PACRG: variants seen among roughly 807,000 people sequenced by gnomAD.
The protein encoded by PACRG is parkin coregulated gene protein.
In PACRG, 29 loss-of-function variants were observed where a neutral mutation model predicts 29.7. The observed-to-expected ratio is 0.98, with a 90% CI of 0.73 to 1.33. The LOEUF is 1.33. PACRG is among the 40% of genes most tolerant of loss of function. The pLI, the probability that PACRG is intolerant of heterozygous loss-of-function variation, is 0.00. For synonymous variants in PACRG, 116 were observed against 118.7 expected, an observed-to-expected ratio of 0.98 and a Z score of 0.15; for missense variants, 279 against 316.2, an observed-to-expected ratio of 0.88 and a Z score of 0.89.
At chr6:162,792,751 G>T (rs1028006479) in intron 1 of PACRG, among the ~76,000 whole-genome samples, 3 of 152,194 alleles carry the variant, frequency 2.0e-5, no homozygotes, top group African/African-American at 7.2e-5. Flanking sequence ...AGACAGGGAA[G>T]GGTATGCAAA....
At chr6:162,900,024 G>T (rs1289127568) in intron 2 of PACRG, among the ~76,000 whole-genome samples, 1 of 152,118 alleles carries the variant, frequency 6.6e-6, no homozygotes, top group Non-Finnish European at 1.5e-5. Flanking sequence ...GTCTGGCTGT[G>T]GGGAAGGGCG....
intron 4 of PACRG, among the ~76,000 whole-genome samples, chr6:163,196,819 G>A (rs1341367417): frequency 6.6e-6 from 1 of 151,884 alleles, no homozygotes; most frequent in Non-Finnish European, 1.5e-5. Context: ...CAGACAAATA[G>A]ATAAACAGGT....
chr6:163,156,414 C>A (rs1349877472), intron 4 of PACRG, among the ~76,000 whole-genome samples: 1 of 152,136 alleles, frequency 6.6e-6, no homozygotes, highest in African/African-American at 2.4e-5. Flanking sequence ...TCGCCCTTCT[C>A]CTGAACCAGC....
intron 1 of PACRG, among the ~76,000 whole-genome samples, chr6:162,786,190 G>A: frequency 6.6e-6 from 1 of 152,212 alleles, no homozygotes; most frequent in Admixed American, 6.5e-5. Flanking sequence ...ATTACAGATG[G>A]CTCAGAGAGA....
chr6:163,187,694 T>G (rs1298372590), intron 4 of PACRG: 1 of 152,346 alleles, frequency 6.6e-6, no homozygotes, highest in Non-Finnish European at 1.5e-5. Context: ...ATCAAAGTCC[T>G]ACTCCTTCTC....
intron 2 of PACRG, among the ~76,000 whole-genome samples, chr6:162,905,229 A>C (rs1490490991): frequency 6.6e-6 from 1 of 152,090 alleles, no homozygotes; most frequent in East Asian, 1.9e-4. Context: ...TTGGGAGGAG[A>C]TGTTTAAGAA....
chr6:162,879,835 T>G (rs1262425209), intron 2 of PACRG, among the ~76,000 whole-genome samples: 1 of 152,012 alleles, frequency 6.6e-6, no homozygotes, highest in East Asian at 1.9e-4. Context: ...CGTGAGGGAG[T>G]TACTCCTTCT....
intron 4 of PACRG, among the ~76,000 whole-genome samples, chr6:163,296,002 C>T (rs530953976): frequency 3.5e-4 from 54 of 152,238 alleles, no homozygotes; most frequent in African/African-American, 1.1e-3. Flanking sequence ...GTAAACCCCA[C>T]GCAGTTCTAA....
intron 4 of PACRG, among the ~76,000 whole-genome samples, chr6:163,129,049 A>G (rs1816627146): frequency 6.8e-6 from 1 of 147,354 alleles, no homozygotes; most frequent in Non-Finnish European, 1.5e-5. Flanking sequence ...CCCATTGATG[A>G]TTGTGGTAGC....
intron 2 of PACRG, among the ~76,000 whole-genome samples, chr6:162,875,686 C>A (rs1022900693): frequency 2.0e-5 from 3 of 152,194 alleles, no homozygotes; most frequent in East Asian, 1.9e-4. Flanking sequence ...GGTTTTCCCC[C>A]AAAAATTCTG....
intron 2 of PACRG, among the ~76,000 whole-genome samples, chr6:162,936,100 AAG>A (rs1370435700): frequency 1.3e-5 from 2 of 152,210 alleles, no homozygotes; most frequent in African/African-American, 4.8e-5. Flanking sequence ...TGACAGCTGC[AAG>A]AGAGAGAATG....
intron 1 of PACRG, among the ~76,000 whole-genome samples, chr6:162,775,085 T>C (rs1336983224): frequency 6.6e-6 from 1 of 152,182 alleles, no homozygotes; most frequent in East Asian, 1.9e-4. Flanking sequence ...GGAGGCCTCA[T>C]GAATAGCATT....
At chr6:163,024,324 A>G (rs751651421) in intron 2 of PACRG, among the ~76,000 whole-genome samples, 1 of 150,890 alleles carries the variant, frequency 6.6e-6, no homozygotes, top group African/African-American at 2.5e-5. Flanking sequence ...TATTTATTGA[A>G]TAGATAGTCC....
chr6:162,920,994 T>C (rs73605864), intron 2 of PACRG, among the ~76,000 whole-genome samples: 472 of 152,374 alleles, frequency 3.1e-3, no homozygotes, highest in African/African-American at 0.011. Context: ...TTATATTTTA[T>C]GTTTATGAGG....
chr6:162,990,382 C>T (rs930469624), intron 2 of PACRG, among the ~76,000 whole-genome samples: 2 of 150,958 alleles, frequency 1.3e-5, no homozygotes, highest in African/African-American at 4.9e-5. Flanking sequence ...TATTTCTCCA[C>T]ATCCTCTCCA....
At chr6:163,052,959 T>A (rs1475686757) in intron 2 of PACRG, among the ~76,000 whole-genome samples, 1 of 152,156 alleles carries the variant, frequency 6.6e-6, no homozygotes, top group Non-Finnish European at 1.5e-5. Context: ...CGCTTCACAT[T>A]TCTGGAGCTA....
chr6:163,222,942 A>T (rs1177123929), intron 4 of PACRG, among the ~76,000 whole-genome samples: 3 of 152,242 alleles, frequency 2.0e-5, no homozygotes, highest in Admixed American at 2.0e-4. Context: ...GTTAATGATT[A>T]TGTAGCTCAA....
intron 1 of PACRG, among the ~76,000 whole-genome samples, chr6:162,763,015 A>C (rs748305050): frequency 2.6e-5 from 4 of 152,236 alleles, no homozygotes; most frequent in Non-Finnish European, 5.9e-5. Flanking sequence ...TTATGTTTGC[A>C]TGAAATCAAT....
At chr6:162,940,100 T>C (rs551587450) in intron 2 of PACRG, among the ~76,000 whole-genome samples, 8 of 152,310 alleles carry the variant, frequency 5.3e-5, no homozygotes, top group Admixed American at 5.2e-4. Flanking sequence ...TGGACTATTA[T>C]AGTCATAAAG....
Sources: gnomAD v4.1 joint callset for allele counts (sites outside exome capture counted in the v4.1 genomes callset) on GRCh38, gnomAD v4.1.1 for gene constraint, MANE v1.5 for transcripts, NCBI Gene and HGNC (gene_info 2026-07-23, HGNC 2026-07-21) for gene names.